The following OR4Q3 variants were observed in gnomAD, a reference collection of about 807,000 sequenced individuals.
The protein encoded by OR4Q3 is olfactory receptor family 4 subfamily Q member 3.
Under a neutral mutation model 18.8 loss-of-function variants are expected in OR4Q3, and 17 were observed. The observed-to-expected ratio is 0.91, with a 90% CI of 0.62 to 1.36. The LOEUF is 1.36. OR4Q3 is among the 40% of genes most tolerant of loss of function. The pLI is 0.00. For missense variants in OR4Q3, 378 were observed against 373.4 expected (o/e 1.01, Z -0.10); for synonymous variants, 158 against 145.8 (o/e 1.08, Z -0.60).
At chr14:19,750,036 G>A, downstream of OR4Q3, among the ~76,000 whole-genome samples, 1 of 148,688 alleles carries the variant, frequency 6.7e-6, no homozygotes, top group African/African-American at 2.5e-5. Flanking sequence ...CCAGGCTGGA[G>A]TGCAGTGGCA....
At chr14:19,747,429 T>A in exon 2 of OR4Q3, 6 of 1,592,478 alleles carry the variant, frequency 3.8e-6, no homozygotes, top group Non-Finnish European at 5.1e-6. Context: ...CTTGGCTTGA[T>A]GAAAAAAGAA....
At chr14:19,750,899 C>A, downstream of OR4Q3, among the ~76,000 whole-genome samples, 1 of 152,332 alleles carries the variant, frequency 6.6e-6, no homozygotes, top group Admixed American at 6.5e-5. Context: ...TCCTGAAGAG[C>A]AGTATGATAT....
chr14:19,751,385 T>C, downstream of OR4Q3, among the ~76,000 whole-genome samples: 2 of 152,230 alleles, frequency 1.3e-5, no homozygotes, highest in African/African-American at 2.4e-5. Flanking sequence ...AAGCTGATGC[T>C]AGCTTCATAG....
chr14:19,748,504 C>T, exon 2 of OR4Q3: 2 of 698,226 alleles, frequency 2.9e-6, no homozygotes, highest in South Asian at 2.0e-5. Context: ...TAATGGATCA[C>T]TCTTGATTAC....
downstream of OR4Q3, among the ~76,000 whole-genome samples, chr14:19,750,796 G>A: frequency 6.6e-6 from 1 of 152,244 alleles, no homozygotes; most frequent in Non-Finnish European, 1.5e-5. Flanking sequence ...AATAGTGTGG[G>A]TGAGGGTGAG....
chr14:19,745,014 T>C, intron 1 of OR4Q3, among the ~76,000 whole-genome samples: 2 of 152,026 alleles, frequency 1.3e-5, no homozygotes, highest in South Asian at 4.2e-4. Context: ...ATGTTTCATA[T>C]TGTCTGAGGA....
intron 1 of OR4Q3, among the ~76,000 whole-genome samples, chr14:19,745,714 A>G: frequency 6.6e-6 from 1 of 152,242 alleles, no homozygotes; most frequent in African/African-American, 2.4e-5. Flanking sequence ...TTTCTTATGG[A>G]AATTTACAAT....
At chr14:19,751,150 A>C, downstream of OR4Q3, among the ~76,000 whole-genome samples, 1 of 152,244 alleles carries the variant, frequency 6.6e-6, no homozygotes, top group Admixed American at 6.5e-5. Flanking sequence ...TGGAATTGGT[A>C]GCATTATTTT....
exon 2 of OR4Q3, chr14:19,749,161 G>A: frequency 2.0e-5 from 3 of 152,254 alleles, no homozygotes; most frequent in Non-Finnish European, 4.4e-5. Context: ...AAGGAACAGA[G>A]GAAGAAATGA....
At chr14:19,747,427 G>C in exon 2 of OR4Q3, 7 of 1,589,552 alleles carry the variant, frequency 4.4e-6, no homozygotes, top group Non-Finnish European at 6.0e-6. Flanking sequence ...TTCTTGGCTT[G>C]ATGAAAAAAG....
At chr14:19,747,565 G>A in exon 2 of OR4Q3, 48 of 1,613,602 alleles carry the variant, frequency 3.0e-5, no homozygotes, top group Non-Finnish European at 2.6e-5. Flanking sequence ...TCTTGATAGT[G>A]GTAACAGTGC....
chr14:19,748,606 A>G, exon 2 of OR4Q3: 1 of 482,198 alleles, frequency 2.1e-6, no homozygotes, highest in African/African-American at 2.0e-5. Flanking sequence ...TTTACTGGCC[A>G]CAAACGATAA....
At chr14:19,748,400 A>T in exon 2 of OR4Q3, 2 of 1,508,976 alleles carry the variant, frequency 1.3e-6, no homozygotes, top group Non-Finnish European at 1.8e-6. Flanking sequence ...TTTGAAAAAC[A>T]CACTCTTTCT....
At chr14:19,747,347 T>A in intron 1 of OR4Q3, 59 bp from the exon 2 acceptor site, 4 of 888,032 alleles carry the variant, frequency 4.5e-6, no homozygotes, top group Non-Finnish European at 6.9e-6. Flanking sequence ...TATATGTATA[T>A]AGTGTACACA....
chr14:19,750,312 A>G, downstream of OR4Q3, among the ~76,000 whole-genome samples: 16 of 152,348 alleles, frequency 1.1e-4, no homozygotes, highest in Middle Eastern at 3.4e-3. Flanking sequence ...TAATACCTGT[A>G]TAGGAGCTTC....
chr14:19,747,763 G>A, exon 2 of OR4Q3: 12 of 1,613,900 alleles, frequency 7.4e-6, no homozygotes, highest in Non-Finnish European at 9.3e-6. Context: ...GAGCCAGTGA[G>A]ATGTTTTTGC....
chr14:19,747,915 T>A lies in OR4Q3; in HGVS notation c.512T>A (p.Leu171Gln). 1.7e-5 allele frequency: 27 copies of A among 1,613,936 alleles called. No individual in the cohort carries two copies. The South Asian group carries it at 2.9e-4, about 17-fold the overall frequency. The change falls in exon 2 of 2, where the codon CTA (leucine) becomes CAA (glutamine). Residue 171 changes from leucine to glutamine, a missense_variant. Physicochemically the swap from Leu to Gln is moderately radical, Grantham distance 113 (BLOSUM62 -2). Coordinates refer to ENST00000642117, the Ensembl canonical transcript of OR4Q3. ...ATCCACTCTATCATGCAGGTCATAC[T>A]AGTCATCCAGCTGCCTTTCTGTGGG... is the stretch of plus-strand genomic sequence containing the variant.
chr14:19,749,631 A>G, downstream of OR4Q3, among the ~76,000 whole-genome samples: 5 of 148,428 alleles, frequency 3.4e-5, no homozygotes, highest in African/African-American at 4.9e-5. Context: ...AAAAAAAAAA[A>G]AAAGAAAGCA....
At chr14:19,749,990 T>C, downstream of OR4Q3, among the ~76,000 whole-genome samples, 1 of 81,034 alleles carries the variant, frequency 1.2e-5, no homozygotes, top group Admixed American at 1.2e-4. Context: ...TCTTTCTTCT[T>C]CTTTTTTTTT....
Sources: gnomAD v4.1 joint callset for allele counts (sites outside exome capture counted in the v4.1 genomes callset) on GRCh38, gnomAD v4.1.1 for gene constraint, MANE v1.5 for transcripts, NCBI Gene and HGNC (gene_info 2026-07-23, HGNC 2026-07-21) for gene names.